EYA2: variants seen among roughly 807,000 people sequenced by gnomAD.
EYA2 encodes EYA transcriptional coactivator and phosphatase 2.
Under a neutral mutation model 69.2 loss-of-function variants are expected in EYA2, and 31 were observed. The ratio of observed to expected loss-of-function variants is 0.45; its 90% CI spans 0.34 to 0.60. The LOEUF (loss-of-function observed/expected upper bound fraction) is 0.60. EYA2 is among the 20% of genes least tolerant of loss of function. EYA2 has a pLI of 0.02. For synonymous variants in EYA2, 257 were observed against 279.4 expected, an observed-to-expected ratio of 0.92 and a Z score of 0.80; for missense variants, 622 against 701.2, an observed-to-expected ratio of 0.89 and a Z score of 1.28.
At chr20:47,176,862 G>A (rs2146665032) in intron 12 of EYA2, among the ~76,000 whole-genome samples, 1 of 151,708 alleles carries the variant, frequency 6.6e-6, no homozygotes. Context: ...CACAATCTCG[G>A]CTCACTGCAA....
At chr20:47,166,016 C>T (rs966429218) in intron 10 of EYA2, among the ~76,000 whole-genome samples, 2 of 151,970 alleles carry the variant, frequency 1.3e-5, no homozygotes, top group Non-Finnish European at 2.9e-5. Flanking sequence ...ATATTGAGAC[C>T]CTATCTCTAT....
At chr20:46,959,161 A>G (rs1275891731) in intron 1 of EYA2, among the ~76,000 whole-genome samples, 1 of 152,248 alleles carries the variant, frequency 6.6e-6, no homozygotes, top group Non-Finnish European at 1.5e-5. Flanking sequence ...CCCAACACAG[A>G]GTAGATGCTC....
At chr20:47,001,295 A>G in intron 2 of EYA2, 133 bp from the exon 3 acceptor site, 6 of 760,682 alleles carry the variant, frequency 7.9e-6, no homozygotes, top group Non-Finnish European at 1.4e-5. Flanking sequence ...TCAGATAAGC[A>G]TCTGTGGTGG....
At chr20:46,921,745 A>C (rs1203827540) in intron 1 of EYA2, among the ~76,000 whole-genome samples, 1 of 152,234 alleles carries the variant, frequency 6.6e-6, no homozygotes, top group Non-Finnish European at 1.5e-5. Flanking sequence ...CAAGATATGG[A>C]GGGCAAAAGA....
At chr20:47,145,621 G>T (rs2033684160) in intron 10 of EYA2, among the ~76,000 whole-genome samples, 1 of 152,168 alleles carries the variant, frequency 6.6e-6, no homozygotes, top group African/African-American at 2.4e-5. Flanking sequence ...AATGTGGTCT[G>T]GGCATGGTGG....
chr20:47,083,563 G>A (rs1431823140), intron 7 of EYA2, among the ~76,000 whole-genome samples: 1 of 116,180 alleles, frequency 8.6e-6, no homozygotes, highest in Non-Finnish European at 1.7e-5. Flanking sequence ...GGGTGACAGA[G>A]CAAGAGTCCA....
At chr20:47,058,125 A>AG (rs3091710) in intron 5 of EYA2, among the ~76,000 whole-genome samples, 144,925 of 152,348 alleles carry the variant, frequency 0.95, 69,014 homozygotes, top group East Asian at 1. Flanking sequence ...AAAAGGAGGA[A>AG]GGTTTGCATG....
At chr20:46,967,245 G>T (rs1014220869) in intron 1 of EYA2, among the ~76,000 whole-genome samples, 3 of 152,212 alleles carry the variant, frequency 2.0e-5, no homozygotes, top group African/African-American at 7.2e-5. Context: ...CAAGTGATCC[G>T]CCCACCTCGG....
chr20:46,906,825 T>TA (rs1354714197), intron 1 of EYA2, among the ~76,000 whole-genome samples: 3 of 152,194 alleles, frequency 2.0e-5, no homozygotes, highest in African/African-American at 7.2e-5. Flanking sequence ...CATAAAAAAT[T>TA]AAACTCTTTG....
intron 1 of EYA2, among the ~76,000 whole-genome samples, chr20:46,968,849 C>T (rs762543369): frequency 3.9e-5 from 6 of 152,118 alleles, no homozygotes; most frequent in Non-Finnish European, 5.9e-5. Context: ...TCACCTGGGT[C>T]GCTCTGTGTC....
chr20:46,951,451 G>A (rs747072947), intron 1 of EYA2, among the ~76,000 whole-genome samples: 31 of 152,192 alleles, frequency 2.0e-4, no homozygotes, highest in Non-Finnish European at 3.2e-4. Context: ...TAGCTGTAGT[G>A]GGTTCTACCC....
At chr20:46,917,828 C>T (rs747692785) in intron 1 of EYA2, among the ~76,000 whole-genome samples, 1 of 152,168 alleles carries the variant, frequency 6.6e-6, no homozygotes, top group Non-Finnish European at 1.5e-5. Flanking sequence ...GAGGGTCTTG[C>T]CCCATTGTTG....
At chr20:47,048,517 C>T (rs547990529) in intron 5 of EYA2, among the ~76,000 whole-genome samples, 1 of 152,282 alleles carries the variant, frequency 6.6e-6, no homozygotes, top group South Asian at 2.1e-4. Flanking sequence ...GCAGGTGGAT[C>T]ACAAGGTCAG....
At chr20:47,020,800 G>GGGA (rs1408587325) in intron 5 of EYA2, among the ~76,000 whole-genome samples, 1 of 152,036 alleles carries the variant, frequency 6.6e-6, no homozygotes, top group African/African-American at 2.4e-5. Context: ...ATGAGGCTTT[G>GGGA]GGAGACTAAA....
At chr20:47,038,438 C>T (rs1181657993) in intron 5 of EYA2, among the ~76,000 whole-genome samples, 1 of 152,180 alleles carries the variant, frequency 6.6e-6, no homozygotes, top group Non-Finnish European at 1.5e-5. Context: ...CTGCAATGAA[C>T]TGTAATCGCA....
chr20:47,101,840 G>GTT (rs755017486), intron 9 of EYA2, among the ~76,000 whole-genome samples: 23 of 152,316 alleles, frequency 1.5e-4, no homozygotes, highest in Non-Finnish European at 2.9e-4. Context: ...ACCTACAGAA[G>GTT]TTGTGTAGTT....
At chr20:46,943,233 G>A (rs940928280) in intron 1 of EYA2, among the ~76,000 whole-genome samples, 3 of 152,146 alleles carry the variant, frequency 2.0e-5, no homozygotes, top group Non-Finnish European at 2.9e-5. Context: ...AACATCCTAC[G>A]ATGCACAGGA....
At chr20:47,006,248 G>A (rs1452938682) in intron 4 of EYA2, among the ~76,000 whole-genome samples, 1 of 152,220 alleles carries the variant, frequency 6.6e-6, no homozygotes, top group Non-Finnish European at 1.5e-5. Flanking sequence ...GCCATATTTG[G>A]CCACATGTCC....
chr20:47,012,661 TTTTTGTATTTTTTGTAGAGACAGG>T (rs1248996472), intron 4 of EYA2, among the ~76,000 whole-genome samples: 1 of 152,118 alleles, frequency 6.6e-6, no homozygotes, highest in Non-Finnish European at 1.5e-5. Context: ...ACCCAGTTAA[TTTTTGTATTTTTTGTAGAGACAGG>T]GTTTCGCCAT....
Sources: gnomAD v4.1 joint callset for allele counts (sites outside exome capture counted in the v4.1 genomes callset) on GRCh38, gnomAD v4.1.1 for gene constraint, MANE v1.5 for transcripts, NCBI Gene and HGNC (gene_info 2026-07-23, HGNC 2026-07-21) for gene names.